Variants in DDAH1 observed in about 807,000 individuals in gnomAD.
DDAH1 encodes dimethylarginine dimethylaminohydrolase 1.
In DDAH1, 19 loss-of-function variants were observed where a neutral mutation model predicts 28.8. The ratio of observed to expected loss-of-function variants is 0.66; its 90% CI spans 0.46 to 0.97. The LOEUF is 0.97. DDAH1 is among the 50% of genes least tolerant of loss of function. The probability of loss-of-function intolerance (pLI) is 0.00; values close to 1 mark genes in which losing one functional copy is unlikely to be tolerated. For missense variants in DDAH1, 326 were observed against 375.9 expected (o/e 0.87, Z 1.10); for synonymous variants, 153 against 154.4 (o/e 0.99, Z 0.07).
chr1:85,522,861 T>C (rs1458636313), intron 1 of DDAH1, among the ~76,000 whole-genome samples: 1 of 151,524 alleles, frequency 6.6e-6, no homozygotes, highest in East Asian at 1.9e-4. Context: ...TTCAGAGTGG[T>C]ATGGACATGC....
rs1658529748 is a variant in DDAH1, at chr1:85,543,438, C to T, written c.-123+34546G>A. Among the ~76,000 whole-genome samples, 7 of 152,174 alleles carry T rather than the reference C, an allele frequency of 4.6e-5. No homozygotes were observed. In the South Asian group the frequency reaches 1.5e-3, roughly 32 times the overall value. Reference sequence around the variant, plus strand: ...ACAGGAAACAAGCAACTGCCTCCAACCCTGTTTTCCATCAATTCCTGTGGC... The same window carrying T: ...ACAGGAAACAAGCAACTGCCTCCAATCCTGTTTTCCATCAATTCCTGTGGC... On this transcript the variant is annotated intron_variant, in intron 1 of 6. Transcript: ENST00000426972.
At chr1:85,512,308 G>A (rs1240758) in intron 1 of DDAH1, among the ~76,000 whole-genome samples, 61,610 of 151,932 alleles carry the variant, frequency 0.41, 14,392 homozygotes, top group South Asian at 0.65. Context: ...AGCCCTTCAT[G>A]CTAAAAACTC....
chr1:85,463,773 A>G (rs115753132), intron 1 of DDAH1, among the ~76,000 whole-genome samples: 3,245 of 152,334 alleles, frequency 0.021, 116 homozygotes, highest in African/African-American at 0.073. Flanking sequence ...GAAAGAAACC[A>G]CTAGCTTCTT....
chr1:85,464,752 C>A lies in DDAH1; in HGVS notation c.294G>T (p.Arg98=). 1 of 1,546,982 alleles carries A rather than the reference C, an allele frequency of 6.5e-7. No homozygotes were observed. ...TCGAGTCGGCAGTTACCTCCTTCCT[C>A]CGGCTCGGCGCCCCGGGTCGGGTGA... ...ALITRPGAPS[R]RKEVDMMKEA... Residue 98 remains arginine, a synonymous_variant, in exon 1 of 6, where the codon CGG becomes CGT. Coordinates refer to ENST00000284031, the MANE Select transcript of DDAH1 (RefSeq NM_012137.4). The surrounding 1 kb of genome is among the most constrained non-coding windows in gnomAD (Gnocchi z 4.4).
At chr1:85,408,037 T>C (rs949546298) in intron 1 of DDAH1, among the ~76,000 whole-genome samples, 3 of 152,212 alleles carry the variant, frequency 2.0e-5, no homozygotes, top group Non-Finnish European at 4.4e-5. Flanking sequence ...GGCTTACAAA[T>C]GGATATTCTA....
chr1:85,378,138 A>G (rs1323212043), intron 1 of DDAH1, among the ~76,000 whole-genome samples: 3 of 152,226 alleles, frequency 2.0e-5, no homozygotes, highest in Non-Finnish European at 4.4e-5. Flanking sequence ...AAAGAAGTTA[A>G]TGAGGGTGAA....
chr1:85,455,354 C>A (rs1342721474), intron 1 of DDAH1, among the ~76,000 whole-genome samples: 1 of 152,148 alleles, frequency 6.6e-6, no homozygotes, highest in Non-Finnish European at 1.5e-5. Context: ...TCATTTCAGG[C>A]TAAAAATGAC....
chr1:85,468,613 G>A (rs964957159), upstream of DDAH1, among the ~76,000 whole-genome samples: 2 of 149,338 alleles, frequency 1.3e-5, no homozygotes, highest in Non-Finnish European at 3.0e-5. Context: ...TCTGCCTCCC[G>A]CGTTCACACC....
At chr1:85,390,652 G>A (rs937869518) in intron 1 of DDAH1, among the ~76,000 whole-genome samples, 2 of 152,156 alleles carry the variant, frequency 1.3e-5, no homozygotes, top group African/African-American at 4.8e-5. Flanking sequence ...GGTAGTCACA[G>A]TAAGTGGTTA....
At chr1:85,436,003 G>A (rs1653925408) in intron 1 of DDAH1, among the ~76,000 whole-genome samples, 1 of 149,968 alleles carries the variant, frequency 6.7e-6, no homozygotes, top group Non-Finnish European at 1.5e-5. Flanking sequence ...GTTTCACTAT[G>A]TTGTCCAGAC....
At chr1:85,378,240 C>T (rs907157210) in intron 1 of DDAH1, among the ~76,000 whole-genome samples, 2 of 152,062 alleles carry the variant, frequency 1.3e-5, no homozygotes, top group Admixed American at 1.3e-4. Flanking sequence ...ATAGTTTCTC[C>T]CTAAATATGC....
At chr1:85,382,621 CTTATA>C (rs888989422) in intron 1 of DDAH1, among the ~76,000 whole-genome samples, 1 of 152,134 alleles carries the variant, frequency 6.6e-6, no homozygotes, top group Non-Finnish European at 1.5e-5. Flanking sequence ...ATCCAGTAGC[CTTATA>C]TTGGAAGAAA....
At chr1:85,453,501 T>C (rs2100674300) in intron 1 of DDAH1, among the ~76,000 whole-genome samples, 1 of 152,336 alleles carries the variant, frequency 6.6e-6, no homozygotes, top group East Asian at 1.9e-4. Flanking sequence ...GCACTCATTT[T>C]TGGGGCATAG....
chr1:85,403,556 T>C (rs1652257927), intron 1 of DDAH1, among the ~76,000 whole-genome samples: 1 of 152,136 alleles, frequency 6.6e-6, no homozygotes, highest in Non-Finnish European at 1.5e-5. Flanking sequence ...ACTGAAATAG[T>C]GATCTATTTT....
At chr1:85,538,477 C>T (rs1436877553) in intron 1 of DDAH1, among the ~76,000 whole-genome samples, 1 of 152,162 alleles carries the variant, frequency 6.6e-6, no homozygotes, top group Non-Finnish European at 1.5e-5. Flanking sequence ...AAAAGGGGAA[C>T]ACCCGGGGGC....
chr1:85,553,104 T>C (rs748184207), intron 1 of DDAH1, among the ~76,000 whole-genome samples: 1 of 152,128 alleles, frequency 6.6e-6, no homozygotes, highest in Non-Finnish European at 1.5e-5. Context: ...TTCCAATAGA[T>C]AGTCCCAGGT....
intron 1 of DDAH1, among the ~76,000 whole-genome samples, chr1:85,504,635 C>T (rs1656943968): frequency 6.6e-6 from 1 of 152,062 alleles, no homozygotes; most frequent in Non-Finnish European, 1.5e-5. Context: ...CATTTAGTCC[C>T]CAGAACAACA....
At chr1:85,446,238 G>C (rs145175661) in intron 1 of DDAH1, among the ~76,000 whole-genome samples, 14 of 152,098 alleles carry the variant, frequency 9.2e-5, no homozygotes, top group African/African-American at 2.9e-4. Flanking sequence ...GGAAACTTAC[G>C]ATCATGGCAG....
chr1:85,424,521 G>A (rs1484796157), intron 1 of DDAH1, among the ~76,000 whole-genome samples: 1 of 152,042 alleles, frequency 6.6e-6, no homozygotes, highest in Non-Finnish European at 1.5e-5. Context: ...GAAGATCTTT[G>A]TAGATACAGA....
Sources: allele counts gnomAD v4.1 joint callset (sites outside exome capture counted in the v4.1 genomes callset), GRCh38; gene constraint gnomAD v4.1.1; non-coding constraint Gnocchi (gnomAD v3.1); transcripts MANE v1.5; gene names NCBI Gene and HGNC (gene_info 2026-07-23, HGNC 2026-07-21).